The following ERC2 variants were observed in gnomAD, a reference collection of about 807,000 sequenced individuals.
ERC2 encodes the protein ELKS/RAB6-interacting/CAST family member 2.
In ERC2, 42 loss-of-function variants were observed where a neutral mutation model predicts 114.8. The ratio of observed to expected loss-of-function variants is 0.37; its 90% CI spans 0.29 to 0.47. The LOEUF (loss-of-function observed/expected upper bound fraction) is 0.47. Ranked by LOEUF, ERC2 falls within the 20% of genes least tolerant of loss-of-function variation. The pLI is 0.99. For synonymous variants in ERC2, 454 were observed against 425.5 expected, an observed-to-expected ratio of 1.07 and a Z score of -0.82; for missense variants, 939 against 1,150.7, an observed-to-expected ratio of 0.82 and a Z score of 2.66.
intron 17 of ERC2, among the ~76,000 whole-genome samples, chr3:55,631,160 G>GT (rs753954396): frequency 3.1e-4 from 47 of 149,814 alleles, no homozygotes; most frequent in South Asian, 4.2e-4. Context: ...AGTATTTGGG[G>GT]TTTTTTTTTT....
intron 7 of ERC2, among the ~76,000 whole-genome samples, chr3:56,046,100 G>T (rs1460945241): frequency 2.0e-5 from 3 of 152,032 alleles, no homozygotes; most frequent in Non-Finnish European, 4.4e-5. Flanking sequence ...GGTGATTTTT[G>T]ATCTCCCAGT....
intron 6 of ERC2, among the ~76,000 whole-genome samples, chr3:56,122,183 G>T (rs954105229): frequency 6.6e-6 from 1 of 152,206 alleles, no homozygotes; most frequent in East Asian, 1.9e-4. Flanking sequence ...TGACAGGGAG[G>T]CAGGTCAGTA....
chr3:55,854,747 G>C (rs571527945), intron 14 of ERC2, among the ~76,000 whole-genome samples: 1 of 152,098 alleles, frequency 6.6e-6, no homozygotes, highest in African/African-American at 2.4e-5. Context: ...GTCATGTCCT[G>C]TTTGTGAGAA....
intron 7 of ERC2, among the ~76,000 whole-genome samples, chr3:56,037,750 A>T (rs1244262888): frequency 6.6e-6 from 1 of 152,194 alleles, no homozygotes; most frequent in South Asian, 2.1e-4. Flanking sequence ...ACACAGAATC[A>T]TCAGATTCTC....
chr3:56,101,676 A>G (rs932215155), intron 6 of ERC2, among the ~76,000 whole-genome samples: 1 of 152,192 alleles, frequency 6.6e-6, no homozygotes, highest in African/African-American at 2.4e-5. Context: ...ATGGAATCCA[A>G]CAACTCGGGT....
chr3:55,557,430 CTGGCTGA>C (rs1559649658), intron 17 of ERC2, among the ~76,000 whole-genome samples: 4 of 152,224 alleles, frequency 2.6e-5, no homozygotes, highest in Admixed American at 2.6e-4. Flanking sequence ...CAGCCATATT[CTGGCTGA>C]AGTTCTGTCA....
At chr3:55,989,234 A>C (rs2070867131) in intron 11 of ERC2, among the ~76,000 whole-genome samples, 1 of 152,248 alleles carries the variant, frequency 6.6e-6, no homozygotes, top group Admixed American at 6.5e-5. Flanking sequence ...CATAAAGATA[A>C]ATGCCTGTAA....
chr3:55,831,312 C>T (rs895131903), intron 14 of ERC2, among the ~76,000 whole-genome samples: 6 of 127,462 alleles, frequency 4.7e-5, no homozygotes, highest in South Asian at 2.9e-4. Flanking sequence ...ATCTGAACTT[C>T]GAAGGAAAGA....
chr3:56,164,576 G>A (rs917323877), intron 4 of ERC2, among the ~76,000 whole-genome samples: 18 of 151,906 alleles, frequency 1.2e-4, no homozygotes, highest in South Asian at 6.2e-4. Context: ...TGTTTTGTGC[G>A]GACATATGTT....
At chr3:56,279,518 C>T (rs1264958502) in intron 3 of ERC2, among the ~76,000 whole-genome samples, 2 of 152,172 alleles carry the variant, frequency 1.3e-5, no homozygotes, top group Admixed American at 6.5e-5. Context: ...CACACAAACA[C>T]AGGCACAGAG....
chr3:56,055,404 CTT>C (rs1279126507), intron 7 of ERC2, among the ~76,000 whole-genome samples: 2 of 151,960 alleles, frequency 1.3e-5, no homozygotes, highest in African/African-American at 4.8e-5. Flanking sequence ...AGTGATATCA[CTT>C]TTTTTTCAGA....
At chr3:56,125,151 A>G (rs1038491341) in intron 6 of ERC2, among the ~76,000 whole-genome samples, 20 of 152,202 alleles carry the variant, frequency 1.3e-4, no homozygotes, top group African/African-American at 4.6e-4. Context: ...AAAGAATAAA[A>G]GAAAATAAAA....
intron 17 of ERC2, among the ~76,000 whole-genome samples, chr3:55,624,163 G>C (rs528229083): frequency 2.0e-5 from 3 of 152,240 alleles, no homozygotes; most frequent in African/African-American, 7.2e-5. Flanking sequence ...GGCAGATATT[G>C]GGCATTTTAG....
At chr3:55,544,221 A>G (rs62251473) in intron 17 of ERC2, among the ~76,000 whole-genome samples, 9,657 of 152,048 alleles carry the variant, frequency 0.064, 439 homozygotes, top group African/African-American at 0.11. Context: ...TCCCAATTAG[A>G]GTTATACTCC....
intron 12 of ERC2, 21 bp from the exon 13 acceptor site, chr3:55,950,581 T>G: frequency 6.2e-7 from 1 of 1,613,648 alleles, no homozygotes; most frequent in Non-Finnish European, 8.5e-7. Context: ...TCAGCACAGC[T>G]TGGTTAAATT....
intron 14 of ERC2, among the ~76,000 whole-genome samples, chr3:55,799,302 A>C (rs1169599370): frequency 1.3e-5 from 2 of 151,590 alleles, no homozygotes; most frequent in Non-Finnish European, 2.9e-5. Context: ...CATAGGATAG[A>C]AACATTGTGT....
In ERC2 at chr3:56,156,651, G is replaced by A. The variant is rs563307804; in HGVS notation, c.1150-7519C>T. Among the ~76,000 whole-genome samples, 21 of 152,200 alleles carry A rather than the reference G, an allele frequency of 1.4e-4. No homozygotes were observed. The South Asian group carries it at 4.4e-3, about 32-fold the overall frequency. On this transcript the variant is annotated intron_variant, in intron 4 of 17. Transcript: ENST00000288221. ...TACCTGTGCCTCTCATCTGAGTATT[G>A]GCCCTGCAAAGAAAACTGCTTCAGT...
At chr3:56,218,697 T>C (rs146600182) in intron 3 of ERC2, among the ~76,000 whole-genome samples, 2,307 of 152,292 alleles carry the variant, frequency 0.015, 24 homozygotes, top group South Asian at 0.031. Context: ...ACACGTAGGT[T>C]TATTGCGGCA....
chr3:56,340,601 G>C (rs893225783), intron 2 of ERC2, among the ~76,000 whole-genome samples: 1 of 146,432 alleles, frequency 6.8e-6, no homozygotes, highest in East Asian at 2.1e-4. Flanking sequence ...AATTTACAGA[G>C]CATATTTTTA....
Sources: allele counts gnomAD v4.1 joint callset (sites outside exome capture counted in the v4.1 genomes callset), GRCh38; gene constraint gnomAD v4.1.1; transcripts MANE v1.5; gene names NCBI Gene and HGNC (gene_info 2026-07-23, HGNC 2026-07-21).